Variants in PIK3R5 observed in about 807,000 individuals in gnomAD.
PIK3R5 encodes the protein phosphoinositide-3-kinase regulatory subunit 5, also known as phosphoinositide 3-kinase regulatory subunit 5.
Under a neutral mutation model 94.9 loss-of-function variants are expected in PIK3R5, and 32 were observed. The ratio of observed to expected loss-of-function variants is 0.34; its 90% CI spans 0.25 to 0.45. The LOEUF (loss-of-function observed/expected upper bound fraction) is 0.45, where lower values mean the gene tolerates loss of function less well. Ranked by LOEUF, PIK3R5 falls within the 20% of genes least tolerant of loss-of-function variation. PIK3R5 has a pLI of 1.00. For synonymous variants in PIK3R5, 443 were observed against 479.4 expected (o/e 0.92, Z 0.99); for missense variants, 853 against 1,144.6 (o/e 0.75, Z 3.68).
chr17:8,887,698 A>G lies in PIK3R5; in HGVS notation c.1617-15T>C. 1.3e-6 allele frequency: 2 copies of G among 1,579,282 alleles called. No homozygotes were observed. The highest frequency in any genetic ancestry group is 1.7e-6 in the Non-Finnish European group (2 of 1,162,576). On this transcript the variant is annotated splice_polypyrimidine_tract_variant and intron_variant, in intron 10 of 18. Coordinates refer to ENST00000447110, the MANE Select transcript of PIK3R5 (RefSeq NM_001142633.3). ...TCTCCAGCCGCCTGGCAAGAAGAAG[A>G]TGGTGAGAAGGGGAATGGGCATGGT...
Position 8,884,861 on chromosome 17 carries a change from G to A in PIK3R5, c.2129-78C>T. On this transcript the variant is annotated intron_variant, in intron 14 of 18. Transcript: ENST00000447110. This position sits in a 1 kb window ranked among gnomAD's most constrained non-coding sequence, Gnocchi z 5.8. Reference sequence around the variant, plus strand: ...ACGAACGCAGTGGCCTTGCCTCCCTGGGCCTTACCTCCCCATCCCCTACCA... The same window carrying A: ...ACGAACGCAGTGGCCTTGCCTCCCTAGGCCTTACCTCCCCATCCCCTACCA... 1 of 1,198,316 alleles carries A rather than the reference G, an allele frequency of 8.3e-7. No individual in the cohort carries two copies. The highest frequency in any genetic ancestry group is 1.2e-6 in the Non-Finnish European group (1 of 813,484). 74.2% of individuals were successfully genotyped at this position (1,198,316 alleles called of 1,614,324 possible).
Position 8,941,724 on chromosome 17 carries a change from G to C in PIK3R5, c.-14+23872C>G, listed in dbSNP as rs1597423363. ...AGGGCAATGATCCCGAGAGGAGTGT[G>C]GCCAGGAACCCTCTAGGGAACACCT... On this transcript the variant is annotated intron_variant, in intron 1 of 18. Coordinates refer to ENST00000447110, the MANE Select transcript of PIK3R5 (RefSeq NM_001142633.3). 2.6e-5 allele frequency among the ~76,000 whole-genome samples: 4 copies of C among 152,254 alleles called. No homozygotes were observed. The South Asian group carries it at 8.3e-4, about 32-fold the overall frequency.
intron 1 of PIK3R5, among the ~76,000 whole-genome samples, chr17:8,937,390 A>G (rs1392193732): frequency 6.6e-6 from 1 of 152,188 alleles, no homozygotes; most frequent in African/African-American, 2.4e-5. Flanking sequence ...CTGTATAAGT[A>G]TTTATCAAGC....
chr17:8,913,588 T>C (rs567030162), intron 1 of PIK3R5, among the ~76,000 whole-genome samples: 8 of 152,302 alleles, frequency 5.3e-5, no homozygotes, highest in Admixed American at 5.2e-4. Flanking sequence ...GGCAGGCACC[T>C]GTAATCCCAG....
chr17:8,954,021 C>T (rs1057423857), intron 1 of PIK3R5, among the ~76,000 whole-genome samples: 12 of 151,118 alleles, frequency 7.9e-5, no homozygotes, highest in South Asian at 2.1e-4. Flanking sequence ...TAATTTCCAC[C>T]GCTCTCCCCT....
chr17:8,956,707 C>T (rs1165016290), intron 1 of PIK3R5, among the ~76,000 whole-genome samples: 1 of 152,166 alleles, frequency 6.6e-6, no homozygotes, highest in Admixed American at 6.5e-5. Context: ...AGTGAATGCA[C>T]AGTGCAAAGA....
chr17:8,934,798 G>A (rs2091043947), intron 1 of PIK3R5, among the ~76,000 whole-genome samples: 1 of 152,170 alleles, frequency 6.6e-6, no homozygotes, highest in East Asian at 1.9e-4. Context: ...GGTTGTCCCT[G>A]AGAAAGCATA....
chr17:8,958,859 TCGATTCTCTTGCCTCAGC>T (rs2091509862), intron 1 of PIK3R5, among the ~76,000 whole-genome samples: 2 of 151,766 alleles, frequency 1.3e-5, no homozygotes, highest in East Asian at 1.9e-4. Context: ...CCGTGTTCAA[TCGATTCTCTTGCCTCAGC>T]CTCCCAAGTA....
chr17:8,935,163 G>A lies in PIK3R5; in HGVS notation c.-13-23656C>T, dbSNP rs2091050569. Among the ~76,000 whole-genome samples the A allele has an allele frequency of 6.6e-6, 1 of 152,032 alleles. No homozygotes were observed. Among genetic ancestry groups the A allele is most frequent in the Non-Finnish European group, 1.5e-5 (1 of 68,004 alleles). On this transcript the variant is annotated intron_variant, in intron 1 of 18. Transcript: ENST00000447110. This position sits in a 1 kb window ranked among gnomAD's most constrained non-coding sequence, Gnocchi z 4.5. ...CCCAGAGCATCTCTGCTTCCACTGTGCCTGCGTTATAACTGCCTATTTCTC... is the reference window on the plus strand; with the variant it reads ...CCCAGAGCATCTCTGCTTCCACTGTACCTGCGTTATAACTGCCTATTTCTC...
Position 8,888,809 on chromosome 17 carries a change from C to G in PIK3R5, c.978G>C (p.Glu326Asp), listed in dbSNP as rs1313559123. 1 of 1,610,200 alleles carries G rather than the reference C, an allele frequency of 6.2e-7. No homozygotes were observed. The highest frequency in any genetic ancestry group is 2.2e-5 in the East Asian group (1 of 44,904). The change falls in exon 10 of 19, where the codon GAG (glutamate) becomes GAC (aspartate). Residue 326 changes from glutamate (E) to aspartate (D), a missense_variant. Physicochemically the swap from Glu to Asp is conservative, Grantham distance 45. Around this residue, in one of 6 missense-constraint regions of PIK3R5, gnomAD observed 161 missense variants for 249.5 expected, o/e 0.65. Transcript: ENST00000447110. The surrounding 1 kb of genome is among the most constrained non-coding windows in gnomAD (Gnocchi z 7.8). ...CCAAGTCCTCCTCCACCTCCTCCTC[C>G]TCCTCTTCCTCCTCTTCATCATCTC... is the stretch of plus-strand genomic sequence containing the variant. Reference protein sequence around the residue: ...ILGDDEEEEEEEEEVEEDLET... With the variant: ...ILGDDEEEEEDEEEVEEDLET...
At position 8,904,781 on chromosome 17, in the gene PIK3R5, G is replaced by A. The variant is rs1484758030; in HGVS notation, c.408C>T (p.Ala136=). 3 of 1,613,968 alleles carry A rather than the reference G, an allele frequency of 1.9e-6. No homozygotes were observed. Among genetic ancestry groups the A allele is most frequent in the African/African-American group, 2.7e-5 (2 of 74,900 alleles). ...GCCAGCTGCCTCAGTGCTTACCTGG[G>A]GCCTTGAGTTCAGCATCAATGAAGG... ...LLTFIDAELK[A]PGISYQRLVR... Residue 136 remains alanine, a synonymous_variant, in exon 5 of 19, where the codon GCC becomes GCT. Coordinates refer to ENST00000447110, the MANE Select transcript of PIK3R5 (RefSeq NM_001142633.3). The surrounding 1 kb of genome is among the most constrained non-coding windows in gnomAD (Gnocchi z 5.1).
intron 1 of PIK3R5, among the ~76,000 whole-genome samples, chr17:8,923,871 C>T (rs1400926443): frequency 2.0e-5 from 3 of 149,254 alleles, no homozygotes; most frequent in Middle Eastern, 3.2e-3. Flanking sequence ...GCACCCTTCC[C>T]TTCCCTTCCC....
At chr17:8,902,227 T>A (rs2090299589) in intron 5 of PIK3R5, among the ~76,000 whole-genome samples, 1 of 149,494 alleles carries the variant, frequency 6.7e-6, no homozygotes, top group Non-Finnish European at 1.5e-5. Flanking sequence ...AAAAAAAACC[T>A]CTTCATGGGT....
chr17:8,961,423 T>C (rs1308870030), intron 1 of PIK3R5, among the ~76,000 whole-genome samples: 1 of 152,154 alleles, frequency 6.6e-6, no homozygotes, highest in African/African-American at 2.4e-5. Flanking sequence ...ACACCTGCGG[T>C]CTGGAGTTCG....
rs1279158154 is a variant in PIK3R5 at position 8,890,915 on chromosome 17, G to A, written c.483-3C>T. On this transcript the variant is annotated splice_region_variant and splice_polypyrimidine_tract_variant and intron_variant, in intron 6 of 18. Transcript: ENST00000447110. The surrounding 1 kb of genome is among the most constrained non-coding windows in gnomAD (Gnocchi z 6.1). ...CTGGGTTCAGCAGCAGCACGGTGCT[G>A]GGGACACAGGGGACCGGCTATGGCA... 1 of 1,612,714 alleles carries A rather than the reference G, an allele frequency of 6.2e-7. No homozygotes were observed. The highest frequency in any genetic ancestry group is 1.1e-5 in the South Asian group (1 of 90,884).
rs1202143600 is a variant in PIK3R5, at chr17:8,882,064, C to T, written c.2206-183G>A. On this transcript the variant is annotated intron_variant, in intron 15 of 18. Coordinates refer to ENST00000447110, the MANE Select transcript of PIK3R5 (RefSeq NM_001142633.3). This position sits in a 1 kb window ranked among gnomAD's most constrained non-coding sequence, Gnocchi z 4.1. ...ACCTGGATGACTCCAGGGAAGAGCTCACGTCACTGGCTTGGTCTAGGGGTC... is the reference window on the plus strand; with the variant it reads ...ACCTGGATGACTCCAGGGAAGAGCTTACGTCACTGGCTTGGTCTAGGGGTC... 1.3e-5 allele frequency: 8 copies of T among 599,358 alleles called. No individual in the cohort carries two copies. In the Admixed American group the frequency reaches 2.0e-4, roughly 15 times the overall value. The allele number at this position is 599,358 out of a possible 1,614,324, so 37.1% of individuals were successfully genotyped here.
chr17:8,956,882 A>C (rs2091474670), intron 1 of PIK3R5, among the ~76,000 whole-genome samples: 1 of 152,202 alleles, frequency 6.6e-6, no homozygotes, highest in Non-Finnish European at 1.5e-5. Context: ...TATCAGAAGG[A>C]GCCAAGAACA....
chr17:8,888,047 T>TAAAAAA lies in PIK3R5; in HGVS notation c.1616+123_1616+124insTTTTTT. The stretch of plus-strand genomic sequence containing the variant: ...ATAATAATAATAATAATAATAATAA[T>TAAAAAA]AAAATAAAAATAAATAAGGGAACTT... On this transcript the variant is annotated intron_variant, in intron 10 of 18. Transcript: ENST00000447110. This position sits in a 1 kb window ranked among gnomAD's most constrained non-coding sequence, Gnocchi z 7.8. 2 of 304,458 alleles carry TAAAAAA rather than the reference T, an allele frequency of 6.6e-6. No individual in the cohort carries two copies. Among genetic ancestry groups the TAAAAAA allele is most frequent in the Middle Eastern group, 9.6e-4 (1 of 1,040 alleles). The allele number at this position is 304,458 out of a possible 1,614,324, so 18.9% of individuals were successfully genotyped here.
intron 5 of PIK3R5, among the ~76,000 whole-genome samples, chr17:8,899,567 A>G (rs2090229611): frequency 6.6e-6 from 1 of 152,228 alleles, no homozygotes; most frequent in Non-Finnish European, 1.5e-5. Flanking sequence ...GAAGGCCCAC[A>G]GTTAGTAAGT....
Sources: gnomAD v4.1 joint callset for allele counts (sites outside exome capture counted in the v4.1 genomes callset) on GRCh38, gnomAD v4.1.1 for gene constraint, gnomAD v4.1.1 regional missense constraint, Gnocchi (gnomAD v3.1) non-coding constraint, MANE v1.5 for transcripts, NCBI Gene and HGNC (gene_info 2026-07-23, HGNC 2026-07-21) for gene names.